The following CP variants were observed in gnomAD, a reference collection of about 807,000 sequenced individuals.
The protein encoded by CP is ceruloplasmin.
In CP, 64 loss-of-function variants were observed where a neutral mutation model predicts 122.4. That is an observed-to-expected ratio of 0.52 (90% CI 0.43 to 0.64). CP has a LOEUF of 0.64. Among genes scored for constraint, CP ranks in the 30% least tolerant of loss-of-function variants. The pLI, the probability that CP is intolerant of heterozygous loss-of-function variation, is 0.00. For synonymous variants in CP, 440 were observed against 436.4 expected (o/e 1.01, Z -0.10); for missense variants, 1,167 against 1,284.4 (o/e 0.91, Z 1.40).
At chr3:149,200,869 A>C (rs1376016161) in intron 7 of CP, among the ~76,000 whole-genome samples, 1 of 152,086 alleles carries the variant, frequency 6.6e-6, no homozygotes, top group Non-Finnish European at 1.5e-5. Context: ...TCACAAAAAA[A>C]CAGCTTTTTA....
chr3:149,185,142 C>CT (rs199855004), intron 12 of CP, 97 bp downstream of exon 12: 103,021 of 773,990 alleles, frequency 0.13, 32 homozygotes, highest in South Asian at 0.18. Flanking sequence ...TTTAATGCAA[C>CT]TTTTTTTTTT....
Position 149,221,726 on chromosome 3 carries a change from G to C in CP, c.67C>G (p.His23Asp), listed in dbSNP as rs1194487357. 1.2e-6 allele frequency: 2 copies of C among 1,604,852 alleles called. No homozygotes were observed. Among genetic ancestry groups the C allele is most frequent in the Non-Finnish European group, 1.7e-6 (2 of 1,173,748 alleles). Residue 23 changes from histidine to aspartate, a missense_variant, in exon 1 of 19, where the codon CAT (histidine) becomes GAT (aspartate). By Grantham distance (81) the His-to-Asp change is moderately conservative. Coordinates refer to ENST00000264613, the MANE Select transcript of CP (RefSeq NM_000096.4). Reference protein sequence around the residue: ...CSTPAWAKEKHYYIGIIETTW... With the variant: ...CSTPAWAKEKDYYIGIIETTW... Reference sequence around the variant, plus strand: ...GTTTCAATAATTCCAATGTAATAATGCTTTTCTTTCGCCCAGGCTGGGGTA... The same window carrying C: ...GTTTCAATAATTCCAATGTAATAATCCTTTTCTTTCGCCCAGGCTGGGGTA...
rs1352234870 is a variant in CP at position 149,185,325 on chromosome 3, T to C, written c.2199A>G (p.Thr733=). The change falls in exon 12 of 19, where the codon ACA becomes ACG. Residue 733 remains threonine, a synonymous_variant. Transcript: ENST00000264613. ...CCACCTCCACTGCTGCGATATAGTA[T>C]GTCCTCTCTCCCAGGTAGAAGGTGG... ...EDSTFYLGER[T]YYIAAVEVEW... 6.2e-7 allele frequency: 1 copy of C among 1,614,148 alleles called. No individual in the cohort carries two copies. Among genetic ancestry groups the C allele is most frequent in the East Asian group, 2.2e-5 (1 of 44,882 alleles).
chr3:149,172,317 A>AACACACACAC (rs1559931139), downstream of CP: 6 of 640,854 alleles, frequency 9.4e-6, no homozygotes, highest in African/African-American at 5.6e-5. Flanking sequence ...TATTTTATAT[A>AACACACACAC]TCACACACAC....
chr3:149,171,617 T>A (rs553411225), downstream of CP, among the ~76,000 whole-genome samples: 2 of 152,108 alleles, frequency 1.3e-5, no homozygotes, highest in Admixed American at 1.3e-4. Context: ...AAAAATAAGT[T>A]ACAACCATAA....
At chr3:149,167,392 G>T in intron 4 of CP, 1 of 687,806 alleles carries the variant, frequency 1.5e-6, no homozygotes, top group South Asian at 1.6e-5. Context: ...AATATGTTAC[G>T]TGTTTTGAGT....
In CP at chr3:149,185,072, A is replaced by G. The variant is rs1472231898; in HGVS notation, c.2285+167T>C. On this transcript the variant is annotated intron_variant, in intron 12 of 18. Transcript: ENST00000264613. Reference sequence around the variant, plus strand: ...CTTAAGGAAATTGAGAGAAGCGGAAATGAATAAGGACAAGTTCCTAGGAAG... The same window carrying G: ...CTTAAGGAAATTGAGAGAAGCGGAAGTGAATAAGGACAAGTTCCTAGGAAG... 5 of 667,032 alleles carry G rather than the reference A, an allele frequency of 7.5e-6. No homozygotes were observed. The African/African-American group carries it at 9.0e-5, about 12-fold the overall frequency. 41.3% of individuals were successfully genotyped at this position (667,032 alleles called of 1,614,324 possible). A position where few individuals can be genotyped will look rare whatever the true frequency, so the allele number is the denominator to read the frequency against.
Position 149,202,253 on chromosome 3 carries a change from A to T in CP, c.1209-12T>A. The T allele has an allele frequency of 1.2e-6, 2 of 1,614,090 alleles. No individual in the cohort carries two copies. Among genetic ancestry groups the T allele is most frequent in the Non-Finnish European group, 1.7e-6 (2 of 1,179,986 alleles). On this transcript the variant is annotated splice_polypyrimidine_tract_variant and intron_variant, in intron 6 of 18. Coordinates refer to ENST00000264613, the MANE Select transcript of CP (RefSeq NM_000096.4). ...ACACCGCTGAGTCACTGCAGGGGGA[A>T]AAAAGTGTTTAATGCTGGGGTTGAA...
Position 149,212,543 on chromosome 3 carries a change from G to C in CP, c.302C>G (p.Thr101Ser), listed in dbSNP as rs762539222. The change falls in exon 2 of 19, where the codon ACT becomes AGT. Residue 101 changes from threonine to serine, a missense_variant. This residue lies in a region of CP where 642 missense variants were observed against 627.3 expected (regional missense o/e 1.02). Transcript: ENST00000264613. ...GFLGPIIKAETGDKVYVHLKN... is the reference protein window; with the variant it reads ...GFLGPIIKAESGDKVYVHLKN... ...TAAGTGTACATAAACTTTATCTCCA[G>C]TTTCAGCTTTGATAATAGGGCCTAA... The C allele has an allele frequency of 5.0e-6, 8 of 1,614,000 alleles. No individual in the cohort carries two copies. The highest frequency in any genetic ancestry group is 6.8e-6 in the Non-Finnish European group (8 of 1,179,962).
chr3:149,184,444 A>G (rs1726015555), intron 12 of CP, among the ~76,000 whole-genome samples: 1 of 152,208 alleles, frequency 6.6e-6, no homozygotes, highest in Admixed American at 6.5e-5. Flanking sequence ...ACTGCTGTCA[A>G]ACAGGTAACC....
Position 149,186,544 on chromosome 3 carries a change from G to A in CP, c.2053C>T (p.Leu685Phe). ...CCCTCTGTGTCAGGCCACATGTGGAGCGTAAGACTTGTTTGAGGGAAGAGG... is the reference window on the plus strand; with the variant it reads ...CCCTCTGTGTCAGGCCACATGTGGAACGTAAGACTTGTTTGAGGGAAGAGG... ...ANLFPQTSLTLHMWPDTEGTF... is the reference protein window; with the variant it reads ...ANLFPQTSLTFHMWPDTEGTF... Residue 685 changes from leucine (L) to phenylalanine (F), a missense_variant, in exon 11 of 19, where the codon CTC (leucine) becomes TTC (phenylalanine). Physicochemically the swap from Leu to Phe is conservative, Grantham distance 22 (BLOSUM62 0). Around this residue, in one of 2 missense-constraint regions of CP, gnomAD observed 525 missense variants for 657.2 expected, o/e 0.80. Coordinates refer to ENST00000264613, the MANE Select transcript of CP (RefSeq NM_000096.4). The A allele has an allele frequency of 6.2e-7, 1 of 1,614,184 alleles. No homozygotes were observed. Among genetic ancestry groups the A allele is most frequent in the South Asian group, 1.1e-5 (1 of 91,080 alleles).
Position 149,182,058 on chromosome 3 carries a change from A to G in CP, c.2501T>C (p.Ile834Thr). ...CTCTGTTTGTACCCCATGGGCATGT[A>G]TTGAGTAGGGCCTTGTGGCCATGTT... is the stretch of plus-strand genomic sequence containing the variant. ...FKNMATRPYSIHAHGVQTESS... is the reference protein window; with the variant it reads ...FKNMATRPYSTHAHGVQTESS... The change falls in exon 14 of 19, where the codon ATA (isoleucine) becomes ACA (threonine). Residue 834 changes from isoleucine to threonine, a missense_variant. By Grantham distance (89) the Ile-to-Thr change is moderately conservative. Coordinates refer to ENST00000264613, the MANE Select transcript of CP (RefSeq NM_000096.4). 6.3e-7 allele frequency: 1 copy of G among 1,590,830 alleles called. No individual in the cohort carries two copies. The highest frequency in any genetic ancestry group is 8.5e-7 in the Non-Finnish European group (1 of 1,171,922).
In CP at chr3:149,206,268, G is replaced by T. The variant is rs137977176; in HGVS notation, c.1108C>A (p.His370Asn). The change falls in exon 6 of 19, where the codon CAT becomes AAT. Residue 370 changes from histidine (H) to asparagine (N), a missense_variant. Physicochemically the swap from His to Asn is moderately conservative, Grantham distance 68 (BLOSUM62 1). Transcript: ENST00000264613. ...GCGGCAATGTAGTAGTGTCTAACAT[G>T]CTTCCCACGGATATTATCCTTTGAT... ...SSSKDNIRGK[H>N]VRHYYIAAEE... 1.2e-6 allele frequency: 2 copies of T among 1,613,876 alleles called. No individual in the cohort carries two copies. The highest frequency in any genetic ancestry group is 1.3e-5 in the African/African-American group (1 of 74,902).
chr3:149,218,843 C>T (rs922575740), intron 1 of CP, among the ~76,000 whole-genome samples: 3 of 152,150 alleles, frequency 2.0e-5, no homozygotes, highest in South Asian at 2.1e-4. Context: ...TCATCCCAGA[C>T]CTTCAAGATC....
In CP at chr3:149,165,844, T is replaced by C. The variant is rs1239412477; in HGVS notation, c.*13+102A>G. On this transcript the variant is annotated intron_variant, in intron 5 of 5. Transcript: ENST00000479771. Reference sequence around the variant, plus strand: ...TTTTCTCCCATGTTGGGAGACCTTTTGAGTGAGAGATTATCAACCTTATTT... The same window carrying C: ...TTTTCTCCCATGTTGGGAGACCTTTCGAGTGAGAGATTATCAACCTTATTT... The C allele has an allele frequency of 8.3e-6, 3 of 359,820 alleles. No individual in the cohort carries two copies. The East Asian group carries it at 2.4e-4, about 28-fold the overall frequency. The allele number at this position is 359,820 out of a possible 1,614,324, so 22.3% of individuals were successfully genotyped here. A position where few individuals can be genotyped will look rare whatever the true frequency, so the allele number is the denominator to read the frequency against.
chr3:149,184,024 AC>A (rs1725970960), intron 12 of CP, among the ~76,000 whole-genome samples: 4 of 70,104 alleles, frequency 5.7e-5, no homozygotes, highest in Admixed American at 1.6e-4. Context: ...CTTTTCACTT[AC>A]TTCTTTTTTT....
intron 1 of CP, among the ~76,000 whole-genome samples, chr3:149,214,186 A>G (rs1026415390): frequency 6.6e-6 from 1 of 152,150 alleles, no homozygotes; most frequent in Non-Finnish European, 1.5e-5. Context: ...AGAAAGGTAG[A>G]AAACTCGGTT....
chr3:149,213,373 A>G (rs774578136), intron 1 of CP, among the ~76,000 whole-genome samples: 1 of 152,248 alleles, frequency 6.6e-6, no homozygotes, highest in Non-Finnish European at 1.5e-5. Context: ...ATGTCCATTA[A>G]TAGTTGCTTA....
intron 9 of CP, among the ~76,000 whole-genome samples, chr3:149,193,886 A>G (rs1726715369): frequency 6.6e-6 from 1 of 152,262 alleles, no homozygotes; most frequent in East Asian, 1.9e-4. Flanking sequence ...CCACATGGCT[A>G]GTAACTGAGA....
Sources: gnomAD v4.1 joint callset for allele counts (sites outside exome capture counted in the v4.1 genomes callset) on GRCh38, gnomAD v4.1.1 for gene constraint, gnomAD v4.1.1 regional missense constraint, MANE v1.5 for transcripts, NCBI Gene and HGNC (gene_info 2026-07-23, HGNC 2026-07-21) for gene names.